MCPH1: variants seen among roughly 807,000 people sequenced by gnomAD.
MCPH1 encodes microcephalin 1, also known as microcephalin.
MCPH1 carries 104 observed loss-of-function variants against 84.5 expected under a neutral mutation model. The ratio of observed to expected loss-of-function variants is 1.23; its 90% CI spans 1.05 to 1.45. MCPH1 has a LOEUF of 1.45. MCPH1 is among the 40% of genes most tolerant of loss of function. The pLI, the probability that MCPH1 is intolerant of heterozygous loss-of-function variation, is 0.00. For missense variants in MCPH1, 1,498 were observed against 1,005.7 expected (o/e 1.49, Z -6.62); for synonymous variants, 514 against 366.8 (o/e 1.40, Z -4.58).
chr8:6,487,351 C>T (rs1253297912), intron 11 of MCPH1, among the ~76,000 whole-genome samples: 1 of 152,152 alleles, frequency 6.6e-6, no homozygotes, highest in East Asian at 1.9e-4. Context: ...AGCATAGAAT[C>T]AATGAACTGT....
rs1831181209 is a variant in MCPH1 at position 6,619,383 on chromosome 8, C to T, written c.2215-2071C>T. 3.3e-5 allele frequency among the ~76,000 whole-genome samples: 5 copies of T among 152,352 alleles called. No individual in the cohort carries two copies. In the South Asian group the frequency reaches 1.0e-3, roughly 32 times the overall value. ...TCTGCTCACTGCCACCTCCACCTCC[C>T]AGATTCAAGCGATTCTCCTGCCTCA... On this transcript the variant is annotated intron_variant, in intron 12 of 13. Coordinates refer to ENST00000344683, the MANE Select transcript of MCPH1 (RefSeq NM_024596.5).
chr8:6,504,266 C>T (rs942635729), intron 12 of MCPH1, among the ~76,000 whole-genome samples: 2 of 136,472 alleles, frequency 1.5e-5, no homozygotes, highest in African/African-American at 2.8e-5. Flanking sequence ...TGCAGTGAGC[C>T]GAGATCGCGC....
intron 13 of MCPH1, 114 bp from the exon 14 acceptor site, chr8:6,642,880 A>G (rs1563231238): frequency 1.0e-6 from 1 of 988,678 alleles, no homozygotes; most frequent in Non-Finnish European, 1.6e-6. Flanking sequence ...TATGGACAAC[A>G]CAGCTCTTGG....
chr8:6,563,061 C>T, intron 12 of MCPH1: 1 of 1,008,722 alleles, frequency 9.9e-7, no homozygotes, highest in Non-Finnish European at 1.4e-6. Context: ...CAATGAAAGT[C>T]TTCTCTTTCC....
At chr8:6,469,112 C>A (rs1426117156) in intron 9 of MCPH1, among the ~76,000 whole-genome samples, 2 of 151,934 alleles carry the variant, frequency 1.3e-5, no homozygotes, top group African/African-American at 4.8e-5. Flanking sequence ...ACCAGGAATT[C>A]GAGGCTGCTC....
intron 11 of MCPH1, among the ~76,000 whole-genome samples, chr8:6,493,973 C>G (rs1226359290): frequency 1.3e-5 from 2 of 151,150 alleles, no homozygotes; most frequent in African/African-American, 4.9e-5. Flanking sequence ...CAGAGTTTCG[C>G]TCTGTTGCCC....
intron 1 of MCPH1, chr8:6,407,093 C>T (rs114225549): frequency 0.012 from 4,008 of 324,516 alleles, 37 homozygotes; most frequent in Middle Eastern, 0.04. Context: ...TGCTTTCACC[C>T]CTGCTGCCTT....
intron 12 of MCPH1, among the ~76,000 whole-genome samples, chr8:6,601,027 G>A (rs1829317779): frequency 6.6e-6 from 1 of 152,156 alleles, no homozygotes; most frequent in Admixed American, 6.5e-5. Context: ...GAGCCCCCAG[G>A]AAGGAGAGCT....
chr8:6,495,329 C>G (rs1221711245), intron 11 of MCPH1, among the ~76,000 whole-genome samples: 1 of 152,136 alleles, frequency 6.6e-6, no homozygotes, highest in Non-Finnish European at 1.5e-5. Flanking sequence ...AAACACTAAC[C>G]TGCCCCTTGT....
intron 3 of MCPH1, among the ~76,000 whole-genome samples, chr8:6,422,764 C>G (rs1032577195): frequency 1.3e-5 from 2 of 152,194 alleles, no homozygotes; most frequent in African/African-American, 4.8e-5. Flanking sequence ...TCTCGGCTTA[C>G]TGCAACCTCC....
intron 12 of MCPH1, among the ~76,000 whole-genome samples, chr8:6,525,062 C>T (rs541732643): frequency 4.6e-5 from 7 of 152,190 alleles, no homozygotes; most frequent in Non-Finnish European, 1.0e-4. Context: ...CCTTTTAGTT[C>T]GAATGATCTG....
intron 12 of MCPH1, among the ~76,000 whole-genome samples, chr8:6,548,553 C>A (rs1002547864): frequency 6.6e-6 from 1 of 152,168 alleles, no homozygotes; most frequent in African/African-American, 2.4e-5. Flanking sequence ...AAAGATCAGA[C>A]CAGCCAAACT....
At chr8:6,481,768 G>T (rs2922814) in intron 11 of MCPH1, among the ~76,000 whole-genome samples, 91,021 of 151,684 alleles carry the variant, frequency 0.6, 30,209 homozygotes, top group East Asian at 0.78. Context: ...CTGTTCATTT[G>T]CATTGGTGGC....
intron 12 of MCPH1, chr8:6,618,753 A>T (rs1289027525): frequency 6.6e-6 from 1 of 152,228 alleles, no homozygotes; most frequent in African/African-American, 2.4e-5. Context: ...ACAAAAACTT[A>T]ACAAAAAAGT....
chr8:6,441,345 A>C (rs950178996), intron 6 of MCPH1, among the ~76,000 whole-genome samples: 1 of 152,182 alleles, frequency 6.6e-6, no homozygotes, highest in Non-Finnish European at 1.5e-5. Context: ...GTACAGTTTA[A>C]AACTTAACTG....
intron 10 of MCPH1, 66 bp downstream of exon 10, chr8:6,477,697 C>T: frequency 2.9e-6 from 4 of 1,389,398 alleles, no homozygotes; most frequent in South Asian, 1.2e-5. Context: ...TACTCTAATT[C>T]TGGGTGCCTT....
At chr8:6,488,806 G>T (rs542188727) in intron 11 of MCPH1, among the ~76,000 whole-genome samples, 1 of 152,102 alleles carries the variant, frequency 6.6e-6, no homozygotes, top group African/African-American at 2.4e-5. Flanking sequence ...AGAATGGATT[G>T]CAGGGAGGTA....
chr8:6,508,531 T>C, intron 12 of MCPH1: 1 of 264,242 alleles, frequency 3.8e-6, no homozygotes, highest in Non-Finnish European at 7.0e-6. Context: ...ATTAAATTAT[T>C]AGTTGGAAAT....
chr8:6,616,576 T>A (rs1830813549), intron 12 of MCPH1: 1 of 152,264 alleles, frequency 6.6e-6, no homozygotes, highest in African/African-American at 2.4e-5. Context: ...ACTGACGGAC[T>A]TTCCTAGCAG....
Sources: gnomAD v4.1 joint callset for allele counts (sites outside exome capture counted in the v4.1 genomes callset) on GRCh38, gnomAD v4.1.1 for gene constraint, MANE v1.5 for transcripts, NCBI Gene and HGNC (gene_info 2026-07-23, HGNC 2026-07-21) for gene names.